Variants in WDR62 observed in about 807,000 individuals in gnomAD.
WDR62 encodes WD repeat-containing protein 62.
WDR62 carries 112 observed loss-of-function variants against 160.6 expected under a neutral mutation model. The ratio of observed to expected loss-of-function variants is 0.70; its 90% CI spans 0.60 to 0.82. The LOEUF is 0.82. WDR62 is among the 40% of genes least tolerant of loss of function. The pLI, the probability that WDR62 is intolerant of heterozygous loss-of-function variation, is 0.00. For synonymous variants in WDR62, 792 were observed against 815.1 expected, an observed-to-expected ratio of 0.97 and a Z score of 0.48; for missense variants, 1,819 against 1,983.8, an observed-to-expected ratio of 0.92 and a Z score of 1.58.
At chr19:36,082,948 C>A (rs1318952568) in intron 10 of WDR62, 115 bp from the exon 11 acceptor site, 2 of 892,800 alleles carry the variant, frequency 2.2e-6, no homozygotes, top group Non-Finnish European at 3.6e-6. Flanking sequence ...GGTGAAACTC[C>A]CAGCTCAAAA....
chr19:36,089,331 G>C, intron 15 of WDR62, 25 bp downstream of exon 15: 4 of 1,614,198 alleles, frequency 2.5e-6, no homozygotes, highest in Non-Finnish European at 3.4e-6. Flanking sequence ...TGGACCCTTA[G>C]CTGGCCTGGT....
At chr19:36,070,759 A>C (rs1295620117) in intron 7 of WDR62, 1 of 152,260 alleles carries the variant, frequency 6.6e-6, no homozygotes, top group Non-Finnish European at 1.5e-5. Flanking sequence ...TCATAAATTA[A>C]GTCCCTGTAG....
intron 18 of WDR62, 71 bp downstream of exon 18, chr19:36,091,536 A>G (rs1972608679): frequency 6.7e-7 from 1 of 1,484,264 alleles, no homozygotes; most frequent in African/African-American, 1.4e-5. Context: ...GCCTGTGTAG[A>G]GAGCATTTCT....
At chr19:36,087,045 A>G (rs1175588197) in intron 13 of WDR62, among the ~76,000 whole-genome samples, 2 of 151,636 alleles carry the variant, frequency 1.3e-5, no homozygotes, top group Admixed American at 1.3e-4. Context: ...ACCTTCCTAG[A>G]CAACATGGTG....
At position 36,101,751 on chromosome 19, in the gene WDR62, C is replaced by T. The variant is rs751987294; in HGVS notation, c.3059C>T (p.Ala1020Val). The change falls in exon 25 of 32, where the codon GCC becomes GTC. Residue 1020 changes from alanine to valine, a missense_variant. This residue lies in a region of WDR62 where 770 missense variants were observed against 734.2 expected (regional missense o/e 1.05). Transcript: ENST00000401500. ...APPPDPAPRF[A>V]TSLPHFPGCA... ...CCTCCTGACCCTGCCCCTCGGTTTG[C>T]CACGTCGCTGCCCCATTTCCCAGGT... 5.2e-6 allele frequency: 8 copies of T among 1,551,974 alleles called. No homozygotes were observed. The South Asian group carries it at 7.1e-5, about 14-fold the overall frequency.
At chr19:36,072,208 C>T (rs149675988) in intron 8 of WDR62, among the ~76,000 whole-genome samples, 3 of 152,264 alleles carry the variant, frequency 2.0e-5, no homozygotes, top group East Asian at 3.9e-4. Flanking sequence ...AGCAGGGACT[C>T]GGGAAGGAGA....
At chr19:36,102,316 G>T in intron 26 of WDR62, 165 bp downstream of exon 26, 1 of 1,014,584 alleles carries the variant, frequency 9.9e-7, no homozygotes, top group South Asian at 1.4e-5. Flanking sequence ...GCTGGAGTGC[G>T]GTGGCCCAAT....
At chr19:36,095,964 G>A (rs1280614077) in intron 20 of WDR62, among the ~76,000 whole-genome samples, 1 of 152,184 alleles carries the variant, frequency 6.6e-6, no homozygotes, top group African/African-American at 2.4e-5. Flanking sequence ...TTTCCTGATT[G>A]CACATCACTG....
chr19:36,090,052 G>A (rs1342880036), intron 15 of WDR62, among the ~76,000 whole-genome samples: 6 of 152,036 alleles, frequency 3.9e-5, no homozygotes, highest in Admixed American at 3.9e-4. Context: ...GGGGCCCTGT[G>A]GAGACACCTG....
intron 9 of WDR62, chr19:36,075,887 C>T (rs1394888625): frequency 6.6e-6 from 1 of 152,178 alleles, no homozygotes; most frequent in Non-Finnish European, 1.5e-5. Context: ...GCCATTTGGT[C>T]ACCCAGTGCT....
At chr19:36,077,636 AC>A (rs1971652032) in intron 9 of WDR62, among the ~76,000 whole-genome samples, 4 of 142,766 alleles carry the variant, frequency 2.8e-5, no homozygotes, top group African/African-American at 1.1e-4. Flanking sequence ...TCGCTTTGTC[AC>A]CCAGACTGGA....
chr19:36,064,237 G>A (rs139290642), intron 3 of WDR62, among the ~76,000 whole-genome samples: 1 of 152,282 alleles, frequency 6.6e-6, no homozygotes, highest in East Asian at 1.9e-4. Context: ...TCCAGAGGTG[G>A]GCAGCCCAGG....
Position 36,054,962 on chromosome 19 carries a change from C to G in WDR62, c.-10C>G, listed in dbSNP as rs756561404. On this transcript the variant is annotated 5_prime_UTR_variant, in exon 1 of 32. Transcript: ENST00000401500. Reference sequence around the variant, plus strand: ...AGGGGATGTAACGGTCGCCCGCCTCCGGCGTGACGATGGCGGCCGTAGGGT... The same window carrying G: ...AGGGGATGTAACGGTCGCCCGCCTCGGGCGTGACGATGGCGGCCGTAGGGT... 1 of 1,587,410 alleles carries G rather than the reference C, an allele frequency of 6.3e-7. No homozygotes were observed. The highest frequency in any genetic ancestry group is 2.3e-5 in the East Asian group (1 of 43,822).
chr19:36,093,304 G>A (rs753730722), intron 19 of WDR62, among the ~76,000 whole-genome samples: 22 of 152,210 alleles, frequency 1.4e-4, no homozygotes, highest in Non-Finnish European at 2.8e-4. Context: ...GGGGCCACGT[G>A]TCCTCTTACT....
chr19:36,057,195 G>A (rs1165618192), intron 1 of WDR62, among the ~76,000 whole-genome samples: 1 of 152,210 alleles, frequency 6.6e-6, no homozygotes, highest in Non-Finnish European at 1.5e-5. Flanking sequence ...TAGGGTATTT[G>A]TGAGGATTCA....
intron 9 of WDR62, among the ~76,000 whole-genome samples, chr19:36,080,860 G>T (rs1184425674): frequency 6.6e-6 from 1 of 152,062 alleles, no homozygotes; most frequent in Non-Finnish European, 1.5e-5. Context: ...TTTTAATCTT[G>T]TCAAAATTAT....
At chr19:36,068,077 T>C (rs1184696797) in intron 7 of WDR62, 67 bp downstream of exon 7, 1 of 1,543,516 alleles carries the variant, frequency 6.5e-7, no homozygotes, top group Non-Finnish European at 8.8e-7. Flanking sequence ...GCAGGGGTGC[T>C]CATCAGCATT....
chr19:36,086,093 T>C (rs1393495240), intron 12 of WDR62, among the ~76,000 whole-genome samples: 1 of 151,932 alleles, frequency 6.6e-6, no homozygotes, highest in Non-Finnish European at 1.5e-5. Context: ...CCCATGTTCT[T>C]CTTTCGTTCT....
rs767344852 is a variant in WDR62 at position 36,066,029 on chromosome 19, G to A, written c.390+14G>A. On this transcript the variant is annotated intron_variant, in intron 4 of 31. Transcript: ENST00000401500. ...GTGACAGGGGAGGTGAGTCGTGATC[G>A]TGACTGAGTGGGAGTCGGGGGCTGG... 33 of 1,613,710 alleles carry A rather than the reference G, an allele frequency of 2.0e-5. No individual in the cohort carries two copies. Among genetic ancestry groups the A allele is most frequent in the African/African-American group, 4.0e-5 (3 of 74,904 alleles).
Sources: gnomAD v4.1 joint callset for allele counts (sites outside exome capture counted in the v4.1 genomes callset) on GRCh38, gnomAD v4.1.1 for gene constraint, gnomAD v4.1.1 regional missense constraint, MANE v1.5 for transcripts, NCBI Gene and HGNC (gene_info 2026-07-23, HGNC 2026-07-21) for gene names.